The following PRKCA variants were observed in gnomAD, a reference collection of about 807,000 sequenced individuals.
The protein encoded by PRKCA is protein kinase C alpha.
In PRKCA, 27 loss-of-function variants were observed where a neutral mutation model predicts 87.0. The ratio of observed to expected loss-of-function variants is 0.31; its 90% CI spans 0.23 to 0.43. The LOEUF is 0.43. Among genes scored for constraint, PRKCA ranks in the 20% least tolerant of loss-of-function variants. The pLI is 1.00. For missense variants in PRKCA, 518 were observed against 852.3 expected, an observed-to-expected ratio of 0.61 and a Z score of 4.88; for synonymous variants, 329 against 311.1, an observed-to-expected ratio of 1.06 and a Z score of -0.61.
intron 3 of PRKCA, among the ~76,000 whole-genome samples, chr17:66,510,171 C>T (rs1917161508): frequency 6.6e-6 from 1 of 152,176 alleles, no homozygotes; most frequent in Non-Finnish European, 1.5e-5. Context: ...CTTGGACACT[C>T]CTAGGAGTGG....
At chr17:66,573,123 G>A (rs747438904) in intron 3 of PRKCA, among the ~76,000 whole-genome samples, 5 of 152,024 alleles carry the variant, frequency 3.3e-5, no homozygotes, top group Admixed American at 1.3e-4. Flanking sequence ...TGTGGGTTGC[G>A]CCCATGACAT....
At chr17:66,522,161 G>A (rs985037438) in intron 3 of PRKCA, among the ~76,000 whole-genome samples, 2 of 152,198 alleles carry the variant, frequency 1.3e-5, no homozygotes, top group Non-Finnish European at 2.9e-5. Flanking sequence ...GGGTCCTGCA[G>A]GTGGATGTGG....
At chr17:66,610,435 A>G (rs1970326083) in intron 3 of PRKCA, among the ~76,000 whole-genome samples, 2 of 152,116 alleles carry the variant, frequency 1.3e-5, no homozygotes. Flanking sequence ...ACTGGGGAGC[A>G]GTAGAGCTAA....
intron 13 of PRKCA, among the ~76,000 whole-genome samples, chr17:66,753,171 C>G (rs1157482570): frequency 6.6e-6 from 1 of 152,330 alleles, no homozygotes; most frequent in African/African-American, 2.4e-5. Context: ...TTAGTGGGCT[C>G]TCCTCTCCCC....
intron 14 of PRKCA, among the ~76,000 whole-genome samples, chr17:66,781,924 G>A (rs1975240716): frequency 6.6e-6 from 1 of 151,106 alleles, no homozygotes; most frequent in African/African-American, 2.4e-5. Context: ...GTGTGAGTGA[G>A]TGTGAGTGTG....
intron 5 of PRKCA, among the ~76,000 whole-genome samples, chr17:66,652,780 A>G (rs1971625345): frequency 6.6e-6 from 1 of 152,166 alleles, no homozygotes; most frequent in South Asian, 2.1e-4. Flanking sequence ...GGCTAGAAGG[A>G]AGCCCCTGCT....
Position 66,643,815 on chromosome 17 carries a change from T to C in PRKCA, c.401-1568T>C, listed in dbSNP as rs374382677. ...CACCTGGTGCAATTGCAATCCTAGA[T>C]AGAGTTCCACTTGGGATGGGGCAGG... On this transcript the variant is annotated intron_variant, in intron 4 of 16. Transcript: ENST00000413366. 2.2e-4 allele frequency among the ~76,000 whole-genome samples: 34 copies of C among 152,254 alleles called. 1 individual carries two copies. The East Asian group carries it at 5.8e-3, about 26-fold the overall frequency.
chr17:66,454,420 T>C (rs992087632), intron 2 of PRKCA, among the ~76,000 whole-genome samples: 1 of 152,196 alleles, frequency 6.6e-6, no homozygotes, highest in Non-Finnish European at 1.5e-5. Context: ...TTTTCTTTTT[T>C]AGTAGAAAAC....
At chr17:66,306,978 C>T (rs376639756) in intron 2 of PRKCA, among the ~76,000 whole-genome samples, 14 of 152,208 alleles carry the variant, frequency 9.2e-5, no homozygotes, top group East Asian at 5.8e-4. Context: ...ACATTCTAGC[C>T]TGGAAAATAT....
chr17:66,374,719 CTTTTTTT>C (rs35431248), intron 2 of PRKCA, among the ~76,000 whole-genome samples: 3 of 115,814 alleles, frequency 2.6e-5, no homozygotes, highest in Non-Finnish European at 3.4e-5. Flanking sequence ...GAGTTGCATT[CTTTTTTT>C]TTTTTTTTTT....
At chr17:66,346,576 T>G (rs979517401) in intron 2 of PRKCA, among the ~76,000 whole-genome samples, 4 of 152,066 alleles carry the variant, frequency 2.6e-5, no homozygotes, top group Non-Finnish European at 5.9e-5. Context: ...AAACTACAGA[T>G]CCTAAGAGAT....
At chr17:66,693,780 T>C (rs1461562970) in intron 8 of PRKCA, among the ~76,000 whole-genome samples, 1 of 152,222 alleles carries the variant, frequency 6.6e-6, no homozygotes, top group Non-Finnish European at 1.5e-5. Flanking sequence ...AAGTCTGCCG[T>C]TGCAGCTCAA....
At chr17:66,404,324 A>G (rs1010024069) in intron 2 of PRKCA, among the ~76,000 whole-genome samples, 8 of 152,160 alleles carry the variant, frequency 5.3e-5, no homozygotes, top group Non-Finnish European at 7.4e-5. Context: ...AGGAACGTCA[A>G]ATTTCAAATA....
intron 2 of PRKCA, among the ~76,000 whole-genome samples, chr17:66,377,156 G>A (rs1293097768): frequency 6.6e-6 from 1 of 152,104 alleles, no homozygotes; most frequent in Non-Finnish European, 1.5e-5. Flanking sequence ...CTCCCAAGTA[G>A]CTGGAATTAC....
chr17:66,592,410 C>T (rs1969838298), intron 3 of PRKCA, among the ~76,000 whole-genome samples: 1 of 146,490 alleles, frequency 6.8e-6, no homozygotes, highest in African/African-American at 2.6e-5. Flanking sequence ...TTTATTTTTA[C>T]ACCCACCCTC....
chr17:66,786,681 A>G (rs1467882932), intron 14 of PRKCA, among the ~76,000 whole-genome samples, 186 bp from the exon 15 acceptor site: 2 of 152,182 alleles, frequency 1.3e-5, no homozygotes, highest in Non-Finnish European at 2.9e-5. Flanking sequence ...AAAATGAAAA[A>G]CACACAACCG....
chr17:66,407,672 T>C (rs778588585), intron 2 of PRKCA, among the ~76,000 whole-genome samples: 1 of 152,172 alleles, frequency 6.6e-6, no homozygotes, highest in Non-Finnish European at 1.5e-5. Flanking sequence ...GAAGTTCATG[T>C]GATTCTGCTA....
chr17:66,510,145 T>C (rs1917160494), intron 3 of PRKCA, among the ~76,000 whole-genome samples: 1 of 152,170 alleles, frequency 6.6e-6, no homozygotes, highest in South Asian at 2.1e-4. Context: ...TAAGAACCCA[T>C]GACTGTATTC....
At chr17:66,384,886 T>C (rs1316756117) in intron 2 of PRKCA, among the ~76,000 whole-genome samples, 1 of 152,152 alleles carries the variant, frequency 6.6e-6, no homozygotes, top group Non-Finnish European at 1.5e-5. Context: ...CCCCTCAGCC[T>C]CCCAAAGTGC....
Sources: allele counts gnomAD v4.1 joint callset (sites outside exome capture counted in the v4.1 genomes callset), GRCh38; gene constraint gnomAD v4.1.1; transcripts MANE v1.5; gene names NCBI Gene and HGNC (gene_info 2026-07-23, HGNC 2026-07-21).